IMMP2L: variants seen among roughly 807,000 people sequenced by gnomAD.
IMMP2L encodes the protein inner mitochondrial membrane peptidase subunit 2.
A neutral mutation model predicts 19.3 loss-of-function variants in IMMP2L; 18 were observed. That is an observed-to-expected ratio of 0.93 (90% CI 0.64 to 1.38). The LOEUF is 1.38. Ranked by LOEUF, IMMP2L falls within the 40% of genes most tolerant of loss-of-function variation. The pLI is 0.00. For missense variants in IMMP2L, 233 were observed against 218.2 expected (o/e 1.07, Z -0.43); for synonymous variants, 76 against 73.0 (o/e 1.04, Z -0.21).
At chr7:111,201,277 TC>T (rs1435117577) in intron 3 of IMMP2L, among the ~76,000 whole-genome samples, 1 of 135,932 alleles carries the variant, frequency 7.4e-6, no homozygotes, top group Admixed American at 7.0e-5. Context: ...ACGTATCAAA[TC>T]CAAAAAAAAA....
At chr7:110,856,463 A>G (rs1388374649) in intron 5 of IMMP2L, among the ~76,000 whole-genome samples, 1 of 152,076 alleles carries the variant, frequency 6.6e-6, no homozygotes, top group Non-Finnish European at 1.5e-5. Flanking sequence ...TTAAGGCAAG[A>G]CAAAAGCAGC....
chr7:111,139,925 C>CT (rs1366483475), intron 3 of IMMP2L, among the ~76,000 whole-genome samples: 1 of 152,090 alleles, frequency 6.6e-6, no homozygotes. Flanking sequence ...AACTGAAACT[C>CT]TAATTTTTAA....
chr7:111,374,149 A>T (rs1006521083), intron 3 of IMMP2L, among the ~76,000 whole-genome samples: 1 of 152,106 alleles, frequency 6.6e-6, no homozygotes, highest in Non-Finnish European at 1.5e-5. Context: ...GCAGGTCTCC[A>T]AAAATTGCTC....
chr7:111,472,690 T>C (rs1841374171), intron 3 of IMMP2L, among the ~76,000 whole-genome samples: 1 of 152,214 alleles, frequency 6.6e-6, no homozygotes, highest in Admixed American at 6.5e-5. Flanking sequence ...CCATGTGAAA[T>C]TGAAAAGTAA....
chr7:110,954,084 T>C (rs1007079899), intron 4 of IMMP2L, among the ~76,000 whole-genome samples: 12 of 152,150 alleles, frequency 7.9e-5, no homozygotes, highest in Non-Finnish European at 1.3e-4. Flanking sequence ...GAGGTGTGAT[T>C]AGCGAGAGAG....
intron 3 of IMMP2L, among the ~76,000 whole-genome samples, chr7:111,242,698 T>A (rs935715076): frequency 1.3e-5 from 2 of 151,996 alleles, no homozygotes; most frequent in Non-Finnish European, 2.9e-5. Context: ...ACATCTCAGA[T>A]GACCACTCTA....
chr7:111,460,954 G>A (rs1840084279), intron 3 of IMMP2L, among the ~76,000 whole-genome samples: 1 of 151,988 alleles, frequency 6.6e-6, no homozygotes, highest in Non-Finnish European at 1.5e-5. Flanking sequence ...TTGCTTATTT[G>A]ATTCTATATA....
chr7:111,309,238 CAACA>C (rs1678896875), intron 3 of IMMP2L, among the ~76,000 whole-genome samples: 1 of 151,984 alleles, frequency 6.6e-6, no homozygotes, highest in Non-Finnish European at 1.5e-5. Flanking sequence ...GACAAATGTA[CAACA>C]AACAGTACAC....
At chr7:110,835,775 CTT>C (rs58237026) in intron 5 of IMMP2L, among the ~76,000 whole-genome samples, 12,473 of 151,982 alleles carry the variant, frequency 0.082, 742 homozygotes, top group African/African-American at 0.17. Context: ...GATTAGAACT[CTT>C]TTAATAATTC....
intron 3 of IMMP2L, among the ~76,000 whole-genome samples, chr7:110,990,119 T>C (rs927854014): frequency 3.9e-5 from 6 of 152,262 alleles, no homozygotes; most frequent in Middle Eastern, 3.4e-3. Context: ...TTCAAATAAA[T>C]ATATATGACT....
chr7:111,170,235 T>C (rs187189504), intron 3 of IMMP2L, among the ~76,000 whole-genome samples: 1 of 151,946 alleles, frequency 6.6e-6, no homozygotes, highest in Admixed American at 6.6e-5. Context: ...TATTATTTTT[T>C]CTCCCCTAAG....
chr7:111,208,436 C>A (rs759770543), intron 3 of IMMP2L, among the ~76,000 whole-genome samples: 23 of 152,104 alleles, frequency 1.5e-4, no homozygotes, highest in Middle Eastern at 3.2e-3. Context: ...TATTTTGTGG[C>A]TGAATTACCA....
intron 3 of IMMP2L, among the ~76,000 whole-genome samples, chr7:111,081,806 T>C (rs1405095941): frequency 1.3e-5 from 2 of 152,186 alleles, no homozygotes; most frequent in Admixed American, 6.5e-5. Flanking sequence ...TAGCAAATTG[T>C]ATACTTTTAA....
chr7:110,771,163 A>C (rs1799006142), intron 5 of IMMP2L, among the ~76,000 whole-genome samples: 1 of 152,152 alleles, frequency 6.6e-6, no homozygotes, highest in African/African-American at 2.4e-5. Context: ...GTGACTTTGC[A>C]GCAGAATTAT....
intron 3 of IMMP2L, among the ~76,000 whole-genome samples, chr7:111,050,127 G>T (rs1406691903): frequency 6.6e-6 from 1 of 152,342 alleles, no homozygotes; most frequent in Middle Eastern, 3.4e-3. Flanking sequence ...CCAAAATGAA[G>T]TATATAATAG....
At chr7:111,303,138 T>C (rs1822450603) in intron 3 of IMMP2L, among the ~76,000 whole-genome samples, 2 of 152,150 alleles carry the variant, frequency 1.3e-5, no homozygotes, top group South Asian at 4.1e-4. Context: ...TAAGTATACA[T>C]TTTCCCCCTT....
intron 3 of IMMP2L, among the ~76,000 whole-genome samples, chr7:111,084,295 A>G (rs1409698540): frequency 2.5e-5 from 2 of 79,016 alleles, no homozygotes; most frequent in East Asian, 3.7e-4. Flanking sequence ...CAGCAGAAAT[A>G]AAATTAAAAA....
At chr7:111,160,623 A>G (rs1414841992) in intron 3 of IMMP2L, among the ~76,000 whole-genome samples, 1 of 151,810 alleles carries the variant, frequency 6.6e-6, no homozygotes, top group Non-Finnish European at 1.5e-5. Flanking sequence ...TAAATTCATG[A>G]GCTAAGTATG....
intron 3 of IMMP2L, among the ~76,000 whole-genome samples, chr7:111,156,980 A>G (rs1428601308): frequency 6.6e-6 from 1 of 152,054 alleles, no homozygotes; most frequent in Non-Finnish European, 1.5e-5. Context: ...AAGGTGTTCA[A>G]TATCACTGAT....
Sources: allele counts gnomAD v4.1 joint callset (sites outside exome capture counted in the v4.1 genomes callset), GRCh38; gene constraint gnomAD v4.1.1; transcripts MANE v1.5; gene names NCBI Gene and HGNC (gene_info 2026-07-23, HGNC 2026-07-21).